The following GALNT3 variants were observed in gnomAD, a reference collection of about 807,000 sequenced individuals.
GALNT3 encodes GalNAc transferase 3.
A neutral mutation model predicts 69.8 loss-of-function variants in GALNT3; 51 were observed. The observed-to-expected ratio is 0.73, with a 90% CI of 0.58 to 0.92. The LOEUF (loss-of-function observed/expected upper bound fraction) is 0.92. Ranked by LOEUF, GALNT3 falls within the 40% of genes least tolerant of loss-of-function variation. The pLI is 0.00. For missense variants in GALNT3, 711 were observed against 760.0 expected (o/e 0.94, Z 0.76); for synonymous variants, 265 against 248.5 (o/e 1.07, Z -0.63).
Position 165,758,857 on chromosome 2 carries a change from T to C in GALNT3, c.1081A>G (p.Thr361Ala). Residue 361 changes from threonine to alanine, a missense_variant, in exon 6 of 11, where the codon ACT (threonine) becomes GCT (alanine). Coordinates refer to ENST00000392701, the MANE Select transcript of GALNT3 (RefSeq NM_004482.4). ...ATGGAAAAAAGTCCTCCTGCAAAAGTGGGTGTTCTGAAAAATAATCCATTG... is the reference window on the plus strand; with the variant it reads ...ATGGAAAAAAGTCCTCCTGCAAAAGCGGGTGTTCTGAAAAATAATCCATTG... ...KDETYPIKTP[T>A]FAGGLFSISK... is the part of the protein sequence containing the mutation. The C allele has an allele frequency of 6.3e-7, 1 of 1,586,184 alleles. No individual in the cohort carries two copies. Among genetic ancestry groups the C allele is most frequent in the African/African-American group, 1.3e-5 (1 of 74,434 alleles).
At chr2:165,751,644 T>C (rs184994490) in intron 9 of GALNT3, among the ~76,000 whole-genome samples, 1 of 152,186 alleles carries the variant, frequency 6.6e-6, no homozygotes, top group Admixed American at 6.5e-5. Context: ...GACCCATTAC[T>C]TAGAACGAGT....
rs757523796 is a variant in GALNT3 at position 165,761,942 on chromosome 2, G to A, written c.801C>T (p.Val267=). The A allele has an allele frequency of 1.5e-5, 25 of 1,613,858 alleles. No individual in the cohort carries two copies. Among genetic ancestry groups the A allele is most frequent in the East Asian group, 8.9e-5 (4 of 44,894 alleles). The part of the protein sequence containing the change: ...LITARLLGAT[V]ATAETLTFLD... ...AAAATGTGAGCGTTTCAGCTGTTGC[G>A]ACTGTTGCTCCTAGCAACCGAGCAG... The change falls in exon 4 of 11, where the codon GTC becomes GTT. Residue 267 remains valine (V), a synonymous_variant. Coordinates refer to ENST00000392701, the MANE Select transcript of GALNT3 (RefSeq NM_004482.4).
intron 3 of GALNT3, among the ~76,000 whole-genome samples, chr2:165,763,192 T>C (rs564111484): frequency 4.9e-4 from 75 of 152,254 alleles, no homozygotes; most frequent in Non-Finnish European, 8.8e-4. Flanking sequence ...CAAGCAGCCT[T>C]CTTGGGCCCA....
rs80280406 is a variant in GALNT3 at position 165,774,075 on chromosome 2, C to T, written c.-108-3267G>A. ...GGCAGCAACCTCACCTATGGGGTTCCGGAAGATAAGAATGGTCAAAATGTT... is the reference window on the plus strand; with the variant it reads ...GGCAGCAACCTCACCTATGGGGTTCTGGAAGATAAGAATGGTCAAAATGTT... On this transcript the variant is annotated intron_variant, in intron 1 of 10. Transcript: ENST00000392701. 5.7e-3 allele frequency among the ~76,000 whole-genome samples: 866 copies of T among 152,180 alleles called. 9 individuals are homozygous for T. Among genetic ancestry groups the T allele is most frequent in the African/African-American group, 0.02 (824 of 41,506 alleles).
intron 1 of GALNT3, among the ~76,000 whole-genome samples, chr2:165,772,619 A>C (rs1054457676): frequency 2.6e-5 from 4 of 151,420 alleles, no homozygotes; most frequent in African/African-American, 9.7e-5. Flanking sequence ...AGGGAAAACA[A>C]TGTAGAAGGT....
intron 4 of GALNT3, 52 bp downstream of exon 4, chr2:165,761,853 A>G (rs754466484): frequency 3.8e-6 from 6 of 1,578,204 alleles, no homozygotes; most frequent in African/African-American, 1.3e-5. Flanking sequence ...CTTTTAAATT[A>G]GAGGGAGAGG....
Position 165,770,098 on chromosome 2 carries a change from TAAA to T in GALNT3, c.515+85_515+87del, listed in dbSNP as rs768480683. On this transcript the variant is annotated intron_variant, in intron 2 of 10. Transcript: ENST00000392701. ...TGCTGATTTTCTGCCTTAGAGTAGC[TAAA>T]AAACAGATAACTTCCTTAGCTCACC... 2.0e-6 allele frequency: 3 copies of T among 1,500,566 alleles called. No homozygotes were observed. The East Asian group carries it at 7.0e-5, about 35-fold the overall frequency. 93.0% of individuals were successfully genotyped at this position (1,500,566 alleles called of 1,614,324 possible).
At chr2:165,786,579 A>G (rs543865711) in intron 1 of GALNT3, among the ~76,000 whole-genome samples, 1 of 152,342 alleles carries the variant, frequency 6.6e-6, no homozygotes, top group African/African-American at 2.4e-5. Flanking sequence ...TATTGTGTAA[A>G]TAGTTGTTAT....
intron 1 of GALNT3, among the ~76,000 whole-genome samples, chr2:165,774,436 A>G (rs1688810196): frequency 6.6e-6 from 1 of 152,224 alleles, no homozygotes; most frequent in South Asian, 2.1e-4. Flanking sequence ...TTTATGTCAG[A>G]AATCATACTT....
intron 4 of GALNT3, among the ~76,000 whole-genome samples, chr2:165,761,563 AAAACAAAC>A (rs35898002): frequency 4.7e-5 from 7 of 148,396 alleles, no homozygotes; most frequent in Non-Finnish European, 6.0e-5. Context: ...GGGAATCAAG[AAAACAAAC>A]AAACAAACAA....
intron 1 of GALNT3, among the ~76,000 whole-genome samples, chr2:165,781,680 T>A (rs940982859): frequency 6.6e-6 from 1 of 152,136 alleles, no homozygotes; most frequent in African/African-American, 2.4e-5. Flanking sequence ...TGGGGCTGAT[T>A]TATCACCTTC....
intron 1 of GALNT3, among the ~76,000 whole-genome samples, chr2:165,778,491 T>C (rs2105222977): frequency 6.6e-6 from 1 of 152,318 alleles, no homozygotes; most frequent in Middle Eastern, 3.4e-3. Flanking sequence ...GGAAATTGCC[T>C]AGTGGGAGTT....
rs1467647310 is a variant in GALNT3 at position 165,754,998 on chromosome 2, T to C, written c.1458A>G (p.Thr486=). ...IKHRLQCKNF[T]WYLNNIYPEV... ...CTGGATAAATGTTGTTCAGATACCA[T>C]GTAAAATTTTTACACTGAAGGCGGT... Residue 486 remains threonine (T), a synonymous_variant, in exon 8 of 11, where the codon ACA becomes ACG. Coordinates refer to ENST00000392701, the MANE Select transcript of GALNT3 (RefSeq NM_004482.4). 1.9e-6 allele frequency: 3 copies of C among 1,612,410 alleles called. No individual in the cohort carries two copies. Among genetic ancestry groups the C allele is most frequent in the Non-Finnish European group, 2.5e-6 (3 of 1,178,582 alleles).
intron 1 of GALNT3, among the ~76,000 whole-genome samples, chr2:165,788,225 G>A (rs956851926): frequency 1.3e-5 from 2 of 149,878 alleles, no homozygotes; most frequent in Non-Finnish European, 3.0e-5. Flanking sequence ...GCTGAGGCAG[G>A]AGAATGGCAT....
chr2:165,758,916 ACAG>A, intron 5 of GALNT3, 52 bp from the exon 6 acceptor site: 1 of 1,109,880 alleles, frequency 9.0e-7, no homozygotes, highest in Non-Finnish European at 1.4e-6. Context: ...ACAAGATAAA[ACAG>A]CATATTTTAA....
chr2:165,771,263 A>G (rs1297577011), intron 1 of GALNT3: 1 of 152,196 alleles, frequency 6.6e-6, no homozygotes, highest in African/African-American at 2.4e-5. Flanking sequence ...TATGTAGTTT[A>G]CCCTCAAACT....
chr2:165,784,917 A>G (rs1408931651), intron 1 of GALNT3, among the ~76,000 whole-genome samples: 1 of 152,234 alleles, frequency 6.6e-6, no homozygotes, highest in Non-Finnish European at 1.5e-5. Flanking sequence ...TTTCTATGAG[A>G]AACCCTGTCT....
intron 9 of GALNT3, among the ~76,000 whole-genome samples, chr2:165,750,891 T>C (rs1042525597): frequency 1.3e-5 from 2 of 152,150 alleles, no homozygotes; most frequent in African/African-American, 4.8e-5. Context: ...TTGACCCTTT[T>C]CTGCCTGGCT....
chr2:165,761,878 C>T, intron 4 of GALNT3, 27 bp downstream of exon 4: 2 of 1,612,260 alleles, frequency 1.2e-6, no homozygotes, highest in Non-Finnish European at 1.7e-6. Context: ...GAAAATGTTA[C>T]AACCATATCC....
Sources: allele counts gnomAD v4.1 joint callset (sites outside exome capture counted in the v4.1 genomes callset), GRCh38; gene constraint gnomAD v4.1.1; transcripts MANE v1.5; gene names NCBI Gene and HGNC (gene_info 2026-07-23, HGNC 2026-07-21).